VWA7: variants seen among roughly 807,000 people sequenced by gnomAD.
VWA7 encodes von Willebrand factor A domain containing 7.
VWA7 carries 66 observed loss-of-function variants against 83.1 expected under a neutral mutation model. The ratio of observed to expected loss-of-function variants is 0.79; its 90% CI spans 0.65 to 0.98. VWA7 has a LOEUF of 0.98. Ranked by LOEUF, VWA7 falls within the 50% of genes least tolerant of loss-of-function variation. VWA7 has a pLI of 0.00. For missense variants in VWA7, 1,080 were observed against 1,160.2 expected (o/e 0.93, Z 1.00); for synonymous variants, 424 against 488.5 (o/e 0.87, Z 1.74).
At chr6:31,772,564 CTTTTTTTTTTCTTTCTTTTCTT>C (rs1812280789) in intron 7 of VWA7, among the ~76,000 whole-genome samples, 2 of 76,992 alleles carry the variant, frequency 2.6e-5, no homozygotes, top group African/African-American at 9.9e-5. Flanking sequence ...TTTATCTTTT[CTTTTTTTTTTCTTTCTTTTCTT>C]TTTTTTTTTT....
intron 4 of VWA7, 89 bp from the exon 5 acceptor site, chr6:31,774,715 C>G (rs1224132937): frequency 8.9e-7 from 1 of 1,119,948 alleles, no homozygotes; most frequent in Non-Finnish European, 1.3e-6. Flanking sequence ...CTTCTCCTCC[C>G]AGCTGGGATG....
At position 31,765,749 on chromosome 6, in the gene VWA7, C is replaced by G. The variant is rs748924185; in HGVS notation, c.2521G>C (p.Gly841Arg). Residue 841 changes from glycine (G) to arginine (R), a missense_variant, in exon 17 of 17, where the codon GGC becomes CGC. Gly to Arg is a moderately radical substitution (Grantham distance 125). Transcript: ENST00000375688. ...APQDRHTTPTGSSDPILTTAT... is the reference protein window; with the variant it reads ...APQDRHTTPTRSSDPILTTAT... ...GTGGTGAGGATCGGGTCAGATGAGC[C>G]GGTAGGGGTGGTGTGCCGGTCCTGT... The G allele has an allele frequency of 1.6e-5, 25 of 1,587,900 alleles. No individual in the cohort carries two copies. The highest frequency in any genetic ancestry group is 9.4e-5 in the African/African-American group (7 of 74,368).
Position 31,777,020 on chromosome 6 carries a change from C to A in VWA7, c.-16+89G>T, listed in dbSNP as rs1812753277. On this transcript the variant is annotated intron_variant, in intron 1 of 16. Coordinates refer to ENST00000375688, the MANE Select transcript of VWA7 (RefSeq NM_025258.3). The surrounding 1 kb of genome is among the most constrained non-coding windows in gnomAD (Gnocchi z 5.8). ...GTCCAAGGTTCCTCCCCCACGCCCC[C>A]CTCCCCAGTCCCTGGCTGCGTCCCC... 9.6e-6 allele frequency: 4 copies of A among 418,240 alleles called. No individual in the cohort carries two copies. The Admixed American group carries it at 1.2e-4, about 13-fold the overall frequency. 25.9% of individuals were successfully genotyped at this position (418,240 alleles called of 1,614,324 possible).
In VWA7 at chr6:31,765,652, C is replaced by G. The variant is rs779735455; in HGVS notation, c.2618G>C (p.Ser873Thr). 4.4e-6 allele frequency: 7 copies of G among 1,609,026 alleles called. No individual in the cohort carries two copies. The African/African-American group carries it at 9.3e-5, about 21-fold the overall frequency. The change falls in exon 17 of 17, where the codon AGC becomes ACC. Residue 873 changes from serine (S) to threonine (T), a missense_variant. Physicochemically the swap from Ser to Thr is moderately conservative, Grantham distance 58. Coordinates refer to ENST00000375688, the MANE Select transcript of VWA7 (RefSeq NM_025258.3). The stretch of plus-strand genomic sequence containing the variant: ...CCCTCCAACTGTGCCCCACCAGGGG[C>G]TGCCCGCAGCCAGCCCTGCCCCAGC... Reference protein sequence around the residue: ...GRAGAGLAAGSPWWGTVGGVL... With the variant: ...GRAGAGLAAGTPWWGTVGGVL...
intron 7 of VWA7, among the ~76,000 whole-genome samples, chr6:31,772,142 CTTTT>C (rs761228094): frequency 1.4e-5 from 2 of 140,824 alleles, no homozygotes; most frequent in Admixed American, 7.2e-5. Context: ...TGCTAGTTAT[CTTTT>C]TTTTTTTTTT....
intron 4 of VWA7, 90 bp from the exon 5 acceptor site, chr6:31,774,716 A>T: frequency 9.1e-7 from 1 of 1,094,088 alleles, no homozygotes; most frequent in Non-Finnish European, 1.3e-6. Flanking sequence ...TTCTCCTCCC[A>T]GCTGGGATGA....
Position 31,769,613 on chromosome 6 carries a change from C to G in VWA7, c.1317+62G>C. On this transcript the variant is annotated intron_variant, in intron 9 of 16. Transcript: ENST00000375688. The surrounding 1 kb of genome is among the most constrained non-coding windows in gnomAD (Gnocchi z 4.5). ...GGTGCAACCCTCGTTATGAGATTGT[C>G]ATCACAGGGTCTCTCACATCCCTGG... The G allele has an allele frequency of 1.4e-6, 2 of 1,459,052 alleles. No individual in the cohort carries two copies. The highest frequency in any genetic ancestry group is 1.9e-6 in the Non-Finnish European group (2 of 1,043,062). The allele number at this position is 1,459,052 out of a possible 1,614,324, so 90.4% of individuals were successfully genotyped here.
rs11966331 is a variant in VWA7 at position 31,769,058 on chromosome 6, C to T, written c.1463G>A (p.Arg488Gln). 10,982 of 1,612,936 alleles carry T rather than the reference C, an allele frequency of 6.8e-3. 342 individuals carry two copies. The African/African-American group carries it at 0.087, about 13-fold the overall frequency. Residue 488 changes from arginine to glutamine, a missense_variant, in exon 10 of 17, where the codon CGA becomes CAA. Coordinates refer to ENST00000375688, the MANE Select transcript of VWA7 (RefSeq NM_025258.3). The surrounding 1 kb of genome is among the most constrained non-coding windows in gnomAD (Gnocchi z 4.5). ...EVIFTKDQHI[R>Q]DVAAIVGESM... ...CTCCCCAACAATGGCTGCCACGTCT[C>T]GAATGTGCTGGTCTTTGGTGAAGAT...
intron 10 of VWA7, among the ~76,000 whole-genome samples, chr6:31,768,463 C>T (rs1427038703): frequency 2.6e-5 from 4 of 151,954 alleles, no homozygotes; most frequent in East Asian, 1.9e-4. Context: ...AAGCCACCTC[C>T]CCAAAAAGAT....
At chr6:31,774,961 A>G (rs1812551787) in intron 4 of VWA7, among the ~76,000 whole-genome samples, 2 of 152,210 alleles carry the variant, frequency 1.3e-5, no homozygotes, top group South Asian at 4.2e-4. Context: ...AAATAATAAG[A>G]AAAAAACAAA....
chr6:31,774,030 C>G (rs1032828400), intron 5 of VWA7, among the ~76,000 whole-genome samples: 3 of 144,966 alleles, frequency 2.1e-5, no homozygotes, highest in Non-Finnish European at 4.5e-5. Flanking sequence ...GGCACATGCC[C>G]GTAATCCCAG....
Position 31,773,457 on chromosome 6 carries a change from C to A in VWA7, c.722-20G>T. The A allele has an allele frequency of 6.4e-7, 1 of 1,554,482 alleles. No homozygotes were observed. Among genetic ancestry groups the A allele is most frequent in the East Asian group, 2.3e-5 (1 of 42,792 alleles). ...ATTTCCCTGGGTTGGGGAAAGGGAT[C>A]TGGAGAGTGGAGGTCAAAAACCCAC... On this transcript the variant is annotated intron_variant, in intron 5 of 16. Coordinates refer to ENST00000375688, the MANE Select transcript of VWA7 (RefSeq NM_025258.3). This position sits in a 1 kb window ranked among gnomAD's most constrained non-coding sequence, Gnocchi z 5.3.
At position 31,766,192 on chromosome 6, in the gene VWA7, A is replaced by G; in HGVS notation, c.2324+53T>C. The G allele has an allele frequency of 6.2e-7, 1 of 1,603,216 alleles. No individual in the cohort carries two copies. The highest frequency in any genetic ancestry group is 8.5e-7 in the Non-Finnish European group (1 of 1,174,468). On this transcript the variant is annotated intron_variant, in intron 15 of 16. Transcript: ENST00000375688. The surrounding 1 kb of genome is among the most constrained non-coding windows in gnomAD (Gnocchi z 4.9). ...GGGGGACAGGGGCAGGGCTTGGGAT[A>G]AGCATTGGCCGGGCAAGATGCCAGA... is the stretch of plus-strand genomic sequence containing the variant.
chr6:31,773,084 G>C lies in VWA7; in HGVS notation c.957C>G (p.Val319=), dbSNP rs1209330487. The change falls in exon 7 of 17, where the codon GTC becomes GTG. Residue 319 remains valine (V), a synonymous_variant. Transcript: ENST00000375688. This position sits in a 1 kb window ranked among gnomAD's most constrained non-coding sequence, Gnocchi z 5.3. Reference sequence around the variant, plus strand: ...CACCCATGCTGCCCGTGGTGTCCAGGACAAAGCTCAGGCTGGAGGCTGGGG... The same window carrying C: ...CACCCATGCTGCCCGTGGTGTCCAGCACAAAGCTCAGGCTGGAGGCTGGGG... ...DITPASSLSF[V]LDTTGSMGEE... 6.2e-7 allele frequency: 1 copy of C among 1,612,156 alleles called. No homozygotes were observed. The highest frequency in any genetic ancestry group is 8.5e-7 in the Non-Finnish European group (1 of 1,179,744).
Position 31,770,916 on chromosome 6 carries a change from C to A in VWA7, c.1088-803G>T, listed in dbSNP as rs1460733385. 3.3e-5 allele frequency among the ~76,000 whole-genome samples: 5 copies of A among 149,568 alleles called. No homozygotes were observed. The Admixed American group carries it at 3.4e-4, about 10-fold the overall frequency. ...GTCCCAGCTACTCAGGAGGCTGTGG[C>A]AGGAGGATTGCTTGAATCGAGGCTG... On this transcript the variant is annotated intron_variant, in intron 7 of 16. Transcript: ENST00000375688.
At position 31,769,236 on chromosome 6, in the gene VWA7, GTCCA is replaced by G; in HGVS notation, c.1318-37_1318-34del. The G allele has an allele frequency of 6.3e-7, 1 of 1,594,106 alleles. No homozygotes were observed. On this transcript the variant is annotated intron_variant, in intron 9 of 16. Transcript: ENST00000375688. This position sits in a 1 kb window ranked among gnomAD's most constrained non-coding sequence, Gnocchi z 4.5. ...CAGAAGAGAGCTCAGTGATTGGGGTGTCCAAGTGCCATCCACTATTATGAATGAG... is the reference window on the plus strand; with the variant it reads ...CAGAAGAGAGCTCAGTGATTGGGGTGAGTGCCATCCACTATTATGAATGAG...
At position 31,773,505 on chromosome 6, in the gene VWA7, C is replaced by T. The variant is rs1001623429; in HGVS notation, c.722-68G>A. On this transcript the variant is annotated intron_variant, in intron 5 of 16. Coordinates refer to ENST00000375688, the MANE Select transcript of VWA7 (RefSeq NM_025258.3). This position sits in a 1 kb window ranked among gnomAD's most constrained non-coding sequence, Gnocchi z 5.3. Reference sequence around the variant, plus strand: ...CACTGCCTCCTAAGAAAATGAGGCCCTTTCAGGCCTGGCCTGACCCTCTCA... The same window carrying T: ...CACTGCCTCCTAAGAAAATGAGGCCTTTTCAGGCCTGGCCTGACCCTCTCA... 4 of 1,417,110 alleles carry T rather than the reference C, an allele frequency of 2.8e-6. No individual in the cohort carries two copies. Among genetic ancestry groups the T allele is most frequent in the Non-Finnish European group, 2.8e-6 (3 of 1,059,900 alleles). The allele number at this position is 1,417,110 out of a possible 1,614,324, so 87.8% of individuals were successfully genotyped here.
In VWA7 at chr6:31,775,448, G is replaced by A. The variant is rs779200309; in HGVS notation, c.514-19C>T. 1 of 1,603,924 alleles carries A rather than the reference G, an allele frequency of 6.2e-7. No homozygotes were observed. Among genetic ancestry groups the A allele is most frequent in the Non-Finnish European group, 8.5e-7 (1 of 1,173,820 alleles). ...AGAAATCCTGGTCCGGAGGACAGGA[G>A]AAGGGGAGTGAGGCACTAGTCTGGC... is the stretch of plus-strand genomic sequence containing the variant. On this transcript the variant is annotated intron_variant, in intron 3 of 16. Transcript: ENST00000375688. The surrounding 1 kb of genome is among the most constrained non-coding windows in gnomAD (Gnocchi z 5.9).
At position 31,776,959 on chromosome 6, in the gene VWA7, G is replaced by A. The variant is rs1036624556; in HGVS notation, c.-16+150C>T. On this transcript the variant is annotated intron_variant, in intron 1 of 16. Coordinates refer to ENST00000375688, the MANE Select transcript of VWA7 (RefSeq NM_025258.3). The surrounding 1 kb of genome is among the most constrained non-coding windows in gnomAD (Gnocchi z 6.2). ...ACCCAGACAACCTGAGGGCCTCATC[G>A]GACCATTAGGGACATACACACCTGC... 2.2e-5 allele frequency: 10 copies of A among 453,852 alleles called. No individual in the cohort carries two copies. Among genetic ancestry groups the A allele is most frequent in the Non-Finnish European group, 3.9e-5 (10 of 257,474 alleles). The allele number at this position is 453,852 out of a possible 1,614,324, so 28.1% of individuals were successfully genotyped here. A position where few individuals can be genotyped will look rare whatever the true frequency, so the allele number is the denominator to read the frequency against.
Sources: allele counts gnomAD v4.1 joint callset (sites outside exome capture counted in the v4.1 genomes callset), GRCh38; gene constraint gnomAD v4.1.1; non-coding constraint Gnocchi (gnomAD v3.1); transcripts MANE v1.5; gene names NCBI Gene and HGNC (gene_info 2026-07-23, HGNC 2026-07-21).